Variants in PTK6 observed in about 807,000 individuals in gnomAD.
PTK6 encodes protein-tyrosine kinase 6.
PTK6 carries 47 observed loss-of-function variants against 47.5 expected under a neutral mutation model. The observed-to-expected ratio is 0.99, with a 90% CI of 0.78 to 1.26. PTK6 has a LOEUF of 1.26. Among genes scored for constraint, PTK6 ranks in the 50% most tolerant of loss-of-function variants. The probability of loss-of-function intolerance (pLI) is 0.00; values close to 1 mark genes in which losing one functional copy is unlikely to be tolerated. For synonymous variants in PTK6, 287 were observed against 276.5 expected, an observed-to-expected ratio of 1.04 and a Z score of -0.38; for missense variants, 618 against 625.3, an observed-to-expected ratio of 0.99 and a Z score of 0.12.
intron 4 of PTK6, 109 bp from the exon 5 acceptor site, chr20:63,532,796 G>C (rs2082635626): frequency 1.8e-5 from 26 of 1,408,070 alleles, no homozygotes; most frequent in Non-Finnish European, 2.4e-5. Flanking sequence ...CAGCAGCTGT[G>C]CAGGACACAC....
chr20:63,530,803 G>A lies in PTK6; in HGVS notation c.957C>T (p.Leu319=), dbSNP rs140522443. ...CTTTGCAGAGGGTGTTTTCCCCGAC[G>A]AGGATGTTCCTGGCGGCCAGGTCCC... is the stretch of plus-strand genomic sequence containing the variant. ...IHRDLAARNI[L]VGENTLCKVG... is the part of the protein sequence containing the mutation. Residue 319 remains leucine (L), a synonymous_variant, in exon 6 of 8, where the codon CTC becomes CTT. Coordinates refer to ENST00000542869, the MANE Select transcript of PTK6 (RefSeq NM_005975.4). The surrounding 1 kb of genome is among the most constrained non-coding windows in gnomAD (Gnocchi z 4.1). The A allele has an allele frequency of 4.2e-4, 672 of 1,614,060 alleles. 1 individual carries two copies. The highest frequency in any genetic ancestry group is 4.2e-4 in the Non-Finnish European group (496 of 1,179,976).
rs2082590005 is a variant in PTK6 at position 63,528,224 on chromosome 20, C to G, written c.*1312G>C. 1 of 152,060 alleles carries G rather than the reference C, an allele frequency of 6.6e-6. No individual in the cohort carries two copies. Among genetic ancestry groups the G allele is most frequent in the South Asian group, 2.1e-4 (1 of 4,832 alleles). The allele number at this position is 152,060 out of a possible 1,614,324, so 9.4% of individuals were successfully genotyped here. On this transcript the variant is annotated 3_prime_UTR_variant, in exon 8 of 8. Coordinates refer to ENST00000542869, the MANE Select transcript of PTK6 (RefSeq NM_005975.4). ...TGCAACATTCATATCAAAACCAAACCCGTAAATAGAACCTCCAGAAGACTT... is the reference window on the plus strand; with the variant it reads ...TGCAACATTCATATCAAAACCAAACGCGTAAATAGAACCTCCAGAAGACTT...
Position 63,534,265 on chromosome 20 carries a change from C to A in PTK6, c.403G>T (p.Gly135Cys). Residue 135 changes from glycine to cysteine, a missense_variant, in exon 3 of 8, where the codon GGC (glycine) becomes TGC (cysteine). Physicochemically the swap from Gly to Cys is radical, Grantham distance 159 (BLOSUM62 -3). Transcript: ENST00000542869. ...RHYKIWRRAG[G>C]RLHLNEAVSF... is the part of the protein sequence containing the mutation. ...ACCGCCTCGTTCAGGTGCAGCCGGCCCCCGGCACGCCGCCAGATCTTGTAG... is the reference window on the plus strand; with the variant it reads ...ACCGCCTCGTTCAGGTGCAGCCGGCACCCGGCACGCCGCCAGATCTTGTAG... 1 of 1,608,778 alleles carries A rather than the reference C, an allele frequency of 6.2e-7. No individual in the cohort carries two copies. The highest frequency in any genetic ancestry group is 8.5e-7 in the Non-Finnish European group (1 of 1,178,686).
At chr20:63,534,062 T>G in intron 3 of PTK6, 90 bp downstream of exon 3, 10 of 1,436,312 alleles carry the variant, frequency 7.0e-6, no homozygotes, top group Non-Finnish European at 9.2e-6. Context: ...ACCCCTCCCA[T>G]GCTGCCCGGC....
intron 2 of PTK6, among the ~76,000 whole-genome samples, chr20:63,534,518 C>T (rs1252190370): frequency 6.6e-6 from 1 of 152,204 alleles, no homozygotes; most frequent in Non-Finnish European, 1.5e-5. Context: ...GCCCCTCCTG[C>T]CCCCGTGCCA....
In PTK6 at chr20:63,537,081, G is replaced by C. The variant is rs763444892; in HGVS notation, c.230+4C>G. 3 of 1,605,046 alleles carry C rather than the reference G, an allele frequency of 1.9e-6. No homozygotes were observed. Among genetic ancestry groups the C allele is most frequent in the Middle Eastern group, 1.6e-4 (1 of 6,068 alleles). ...CAAAGCTCCCAGCAGCCTAGGACAC[G>C]CACGGTTCCGACTCCACCGTCTCCC... On this transcript the variant is annotated splice_donor_region_variant and intron_variant, in intron 1 of 7. Transcript: ENST00000542869.
chr20:63,531,106 T>A (rs1440198097), intron 5 of PTK6, among the ~76,000 whole-genome samples, 179 bp from the exon 6 acceptor site: 1 of 152,158 alleles, frequency 6.6e-6, no homozygotes, highest in East Asian at 1.9e-4. Context: ...ACCGCCCTTC[T>A]GGAAGGCAAC....
At chr20:63,534,511 C>G (rs1327098970) in intron 2 of PTK6, among the ~76,000 whole-genome samples, 196 bp from the exon 3 acceptor site, 1 of 152,216 alleles carries the variant, frequency 6.6e-6, no homozygotes, top group African/African-American at 2.4e-5. Context: ...CTCTCTGGCC[C>G]CTCCTGCCCC....
Position 63,533,758 on chromosome 20 carries a change from G to T in PTK6, c.517-54C>A, listed in dbSNP as rs902557240. 11 of 1,564,750 alleles carry T rather than the reference G, an allele frequency of 7.0e-6. No homozygotes were observed. The South Asian group carries it at 1.3e-4, about 18-fold the overall frequency. On this transcript the variant is annotated intron_variant, in intron 3 of 7. Transcript: ENST00000542869. This position sits in a 1 kb window ranked among gnomAD's most constrained non-coding sequence, Gnocchi z 4.0. Reference sequence around the variant, plus strand: ...GGGGCTCATCCTTCAGGAAGTGCCAGTCTGAAGCCAGCACAGGGAGCCTGG... The same window carrying T: ...GGGGCTCATCCTTCAGGAAGTGCCATTCTGAAGCCAGCACAGGGAGCCTGG...
Position 63,534,989 on chromosome 20 carries a change from C to T in PTK6, c.301G>A (p.Ala101Thr), listed in dbSNP as rs150179834. ...RLQAEGNATG[A>T]FLIRVSEKPS... ...TTCTCGCTGACCCTGATCAGGAAGGCGCCCGTGGCGTTGCCCTCGGCCTGC... is the reference window on the plus strand; with the variant it reads ...TTCTCGCTGACCCTGATCAGGAAGGTGCCCGTGGCGTTGCCCTCGGCCTGC... Residue 101 changes from alanine to threonine, a missense_variant, in exon 2 of 8, where the codon GCC (alanine) becomes ACC (threonine). Coordinates refer to ENST00000542869, the MANE Select transcript of PTK6 (RefSeq NM_005975.4). 1.6e-5 allele frequency: 25 copies of T among 1,608,180 alleles called. No homozygotes were observed. In the Middle Eastern group the frequency reaches 6.6e-4, roughly 43 times the overall value.
In PTK6 at chr20:63,532,287, GAT is replaced by G. The variant is rs1466911429; in HGVS notation, c.832+237_832+238del. 2.0e-5 allele frequency among the ~76,000 whole-genome samples: 3 copies of G among 147,716 alleles called. No homozygotes were observed. In the South Asian group the frequency reaches 6.3e-4, roughly 31 times the overall value. On this transcript the variant is annotated intron_variant, in intron 5 of 7. Coordinates refer to ENST00000542869, the MANE Select transcript of PTK6 (RefSeq NM_005975.4). ...ATGTGTATGTCTGTGTGTGTCATGT[GAT>G]GTGTCTTGTGTGTGTGTCTGTGTGT...
At position 63,529,703 on chromosome 20, in the gene PTK6, A is replaced by G. The variant is rs1467916171; in HGVS notation, c.1189T>C (p.Phe397Leu). 1.3e-6 allele frequency: 2 copies of G among 1,545,694 alleles called. No homozygotes were observed. The highest frequency in any genetic ancestry group is 2.4e-5 in the South Asian group (2 of 83,614). Reference protein sequence around the residue: ...PYPGMSNHEAFLRVDAGYRMP... With the variant: ...PYPGMSNHEALLRVDAGYRMP... The stretch of plus-strand genomic sequence containing the variant: ...CGGTAGCCGGCGTCCACCCTCAGGA[A>G]GGCCTCATGGTTGGACATGCCTGCG... Residue 397 changes from phenylalanine to leucine, a missense_variant, in exon 8 of 8, where the codon TTC (phenylalanine) becomes CTC (leucine). Transcript: ENST00000542869. This position sits in a 1 kb window ranked among gnomAD's most constrained non-coding sequence, Gnocchi z 5.6.
Position 63,537,219 on chromosome 20 carries a change from C to T in PTK6, c.96G>A (p.Gly32=), listed in dbSNP as rs765201330. The change falls in exon 1 of 8, where the codon GGG becomes GGA. Residue 32 remains glycine (G), a synonymous_variant. Coordinates refer to ENST00000542869, the MANE Select transcript of PTK6 (RefSeq NM_005975.4). ...RTDEELSFRA[G]DVFHVARKEE... is the part of the protein sequence containing the mutation. The stretch of plus-strand genomic sequence containing the variant: ...CCTTCCTGGCCACGTGGAAGACGTC[C>T]CCCGCGCGGAAGCTCAGCTCCTCGT... 1.9e-6 allele frequency: 3 copies of T among 1,612,388 alleles called. No homozygotes were observed. Among genetic ancestry groups the T allele is most frequent in the East Asian group, 4.5e-5 (2 of 44,868 alleles).
At chr20:63,534,871 G>A (rs766855713) in intron 2 of PTK6, 67 bp downstream of exon 2, 12 of 1,519,308 alleles carry the variant, frequency 7.9e-6, no homozygotes, top group Admixed American at 3.9e-5. Context: ...GGTTCACCAC[G>A]TGGCTGGGAG....
At chr20:63,532,274 G>C (rs1213704001) in intron 5 of PTK6, among the ~76,000 whole-genome samples, 1 of 151,120 alleles carries the variant, frequency 6.6e-6, no homozygotes, top group East Asian at 1.9e-4. Context: ...GTGTATGTCT[G>C]TGTGTGTCAT....
rs764711390 is a variant in PTK6, at chr20:63,530,285, C to T, written c.1015-54G>A. On this transcript the variant is annotated intron_variant, in intron 6 of 7. Transcript: ENST00000542869. The surrounding 1 kb of genome is among the most constrained non-coding windows in gnomAD (Gnocchi z 4.1). ...GTGGGGGCTGCCTGTGCCCTGCCCC[C>T]GAAGCATGGACGGGCACAGCGGCCG... 144 of 1,597,972 alleles carry T rather than the reference C, an allele frequency of 9.0e-5. No individual in the cohort carries two copies. Among genetic ancestry groups the T allele is most frequent in the Non-Finnish European group, 1.1e-4 (130 of 1,168,916 alleles).
chr20:63,534,396 G>A (rs951306726), intron 2 of PTK6, 81 bp from the exon 3 acceptor site: 25 of 1,461,318 alleles, frequency 1.7e-5, no homozygotes, highest in Middle Eastern at 1.9e-4. Flanking sequence ...CCACACCTGC[G>A]CAGAGTTTCT....
chr20:63,532,452 G>T (rs1600934374), intron 5 of PTK6, 74 bp downstream of exon 5: 3 of 1,078,968 alleles, frequency 2.8e-6, no homozygotes, highest in Admixed American at 2.5e-5. Context: ...TGTAGACGTG[G>T]GGGGGGGGTG....
In PTK6 at chr20:63,530,098, C is replaced by T; in HGVS notation, c.1148G>A (p.Arg383Lys). 6.8e-6 allele frequency: 11 copies of T among 1,614,068 alleles called. No homozygotes were observed. The highest frequency in any genetic ancestry group is 9.3e-6 in the Non-Finnish European group (11 of 1,180,032). ...FGILLHEMFSRGQVPYPGMSN... is the reference protein window; with the variant it reads ...FGILLHEMFSKGQVPYPGMSN... Reference sequence around the variant, plus strand: ...AGTACCTGGGTAGGGCACCTGACCCCTGCTGAACATCTCATGCAGGAGAAT... The same window carrying T: ...AGTACCTGGGTAGGGCACCTGACCCTTGCTGAACATCTCATGCAGGAGAAT... The change falls in exon 7 of 8, where the codon AGG becomes AAG. Residue 383 changes from arginine (R) to lysine (K), a missense_variant. By Grantham distance (26) the Arg-to-Lys change is conservative. Transcript: ENST00000542869. The surrounding 1 kb of genome is among the most constrained non-coding windows in gnomAD (Gnocchi z 4.1).
Sources: gnomAD v4.1 joint callset for allele counts (sites outside exome capture counted in the v4.1 genomes callset) on GRCh38, gnomAD v4.1.1 for gene constraint, Gnocchi (gnomAD v3.1) non-coding constraint, MANE v1.5 for transcripts, NCBI Gene and HGNC (gene_info 2026-07-23, HGNC 2026-07-21) for gene names.